Variants in PDE8A observed in about 807,000 individuals in gnomAD.
PDE8A encodes high affinity cAMP-specific and IBMX-insensitive 3',5'-cyclic phosphodiesterase 8A.
PDE8A carries 59 observed loss-of-function variants against 105.0 expected under a neutral mutation model. The ratio of observed to expected loss-of-function variants is 0.56; its 90% CI spans 0.46 to 0.70. The LOEUF is 0.70. Ranked by LOEUF, PDE8A falls within the 30% of genes least tolerant of loss-of-function variation. PDE8A has a pLI of 0.00. For missense variants in PDE8A, 1,014 were observed against 1,045.9 expected, an observed-to-expected ratio of 0.97 and a Z score of 0.42; for synonymous variants, 355 against 371.9, an observed-to-expected ratio of 0.95 and a Z score of 0.52.
chr15:85,042,534 G>T (rs981766280), intron 1 of PDE8A, among the ~76,000 whole-genome samples: 1 of 152,166 alleles, frequency 6.6e-6, no homozygotes, highest in Admixed American at 6.5e-5. Context: ...ACAAGAAGGA[G>T]GCTGGGGTTA....
intron 8 of PDE8A, among the ~76,000 whole-genome samples, chr15:85,097,015 C>T (rs1057065034): frequency 1.3e-5 from 2 of 152,146 alleles, no homozygotes; most frequent in African/African-American, 4.8e-5. Context: ...TAGCAAACCT[C>T]AGCTAAGCCA....
chr15:85,095,343 A>G (rs1368508070), intron 8 of PDE8A, among the ~76,000 whole-genome samples: 2 of 151,984 alleles, frequency 1.3e-5, no homozygotes, highest in African/African-American at 2.4e-5. Flanking sequence ...AACTAAATAT[A>G]TATATATTTT....
chr15:85,046,912 AAG>A (rs1437798222), intron 1 of PDE8A, among the ~76,000 whole-genome samples: 2 of 152,220 alleles, frequency 1.3e-5, no homozygotes, highest in African/African-American at 4.8e-5. Context: ...TATTTACAAA[AAG>A]TTTTACTTTT....
intron 5 of PDE8A, among the ~76,000 whole-genome samples, chr15:85,077,395 C>T (rs933053645): frequency 6.6e-6 from 1 of 152,192 alleles, no homozygotes; most frequent in Non-Finnish European, 1.5e-5. Context: ...TTAAATAAGG[C>T]TGACCCTTGG....
intron 1 of PDE8A, among the ~76,000 whole-genome samples, chr15:85,026,614 C>T (rs572834987): frequency 6.6e-6 from 1 of 152,168 alleles, no homozygotes; most frequent in African/African-American, 2.4e-5. Context: ...TCTATATCCC[C>T]ATCTCTCAAT....
intron 1 of PDE8A, among the ~76,000 whole-genome samples, chr15:85,061,231 T>A (rs895701486): frequency 6.6e-6 from 1 of 151,996 alleles, no homozygotes; most frequent in Non-Finnish European, 1.5e-5. Flanking sequence ...TTTTCTTCTT[T>A]TTTATTTATT....
chr15:85,098,079 T>G (rs1159736348), intron 9 of PDE8A, 43 bp downstream of exon 9: 11 of 1,159,800 alleles, frequency 9.5e-6, no homozygotes, highest in Non-Finnish European at 1.4e-5. Context: ...TACAGTGTTT[T>G]GGGTTATTGC....
At chr15:85,059,409 A>G (rs1202788155) in intron 1 of PDE8A, among the ~76,000 whole-genome samples, 1 of 152,224 alleles carries the variant, frequency 6.6e-6, no homozygotes, top group Non-Finnish European at 1.5e-5. Context: ...AAGTCTAGCC[A>G]TTATTGAGAG....
At chr15:84,981,226 G>A (rs543901940), upstream of PDE8A, among the ~76,000 whole-genome samples, 7 of 152,310 alleles carry the variant, frequency 4.6e-5, no homozygotes, top group African/African-American at 1.7e-4. Context: ...TAGCCCAGTC[G>A]GGCGCCCCGC....
At chr15:85,026,585 G>A (rs2080520999) in intron 1 of PDE8A, among the ~76,000 whole-genome samples, 2 of 152,274 alleles carry the variant, frequency 1.3e-5, no homozygotes, top group South Asian at 2.1e-4. Flanking sequence ...CAAGGGAGGT[G>A]GAGATAGAGA....
chr15:85,039,493 G>A (rs979154928), intron 1 of PDE8A, among the ~76,000 whole-genome samples: 2 of 151,876 alleles, frequency 1.3e-5, no homozygotes, highest in East Asian at 1.9e-4. Flanking sequence ...AACTTCACAC[G>A]CTGTTAGTAG....
At chr15:85,070,965 A>G (rs960734683) in intron 3 of PDE8A, among the ~76,000 whole-genome samples, 2 of 152,182 alleles carry the variant, frequency 1.3e-5, no homozygotes, top group African/African-American at 4.8e-5. Context: ...GTAGCACTTG[A>G]TATCAATGTC....
At chr15:85,111,700 C>T (rs189426426) in intron 12 of PDE8A, among the ~76,000 whole-genome samples, 2 of 152,286 alleles carry the variant, frequency 1.3e-5, no homozygotes, top group African/African-American at 4.8e-5. Context: ...TTAGAATGAG[C>T]TTCTTAGTTT....
At chr15:85,136,503 G>A in intron 20 of PDE8A, 31 bp from the exon 21 acceptor site, 3 of 1,599,988 alleles carry the variant, frequency 1.9e-6, no homozygotes, top group South Asian at 2.2e-5. Context: ...CCAGATGTTG[G>A]GGTCTCCTGA....
chr15:85,061,476 G>GTGA (rs2081144820), intron 1 of PDE8A, among the ~76,000 whole-genome samples: 1 of 152,096 alleles, frequency 6.6e-6, no homozygotes, highest in Non-Finnish European at 1.5e-5. Flanking sequence ...CTGGCCTCAG[G>GTGA]TGATCTGTCT....
At chr15:84,997,128 A>ATAT (rs1475271447) in intron 1 of PDE8A, among the ~76,000 whole-genome samples, 1 of 152,178 alleles carries the variant, frequency 6.6e-6, no homozygotes, top group Non-Finnish European at 1.5e-5. Flanking sequence ...AAACGTGAAC[A>ATAT]TATTGTATAG....
intron 11 of PDE8A, among the ~76,000 whole-genome samples, chr15:85,105,483 C>T (rs2081934165): frequency 6.6e-6 from 1 of 152,170 alleles, no homozygotes; most frequent in South Asian, 2.1e-4. Flanking sequence ...GGAACTCATA[C>T]TTCCAGGCTG....
intron 6 of PDE8A, 30 bp from the exon 7 acceptor site, chr15:85,089,308 A>G: frequency 2.6e-6 from 3 of 1,134,410 alleles, no homozygotes; most frequent in Non-Finnish European, 4.0e-6. Flanking sequence ...TATTTACATT[A>G]ATCATTCCTT....
intron 1 of PDE8A, among the ~76,000 whole-genome samples, chr15:84,994,647 C>G (rs918484150): frequency 4.6e-5 from 7 of 152,206 alleles, no homozygotes; most frequent in African/African-American, 1.7e-4. Flanking sequence ...CTATCATACT[C>G]CTTTTTCTTT....
Sources: allele counts gnomAD v4.1 joint callset (sites outside exome capture counted in the v4.1 genomes callset), GRCh38; gene constraint gnomAD v4.1.1; transcripts MANE v1.5; gene names NCBI Gene and HGNC (gene_info 2026-07-23, HGNC 2026-07-21).